PTPRG: variants seen among roughly 807,000 people sequenced by gnomAD.
PTPRG encodes the protein receptor-type tyrosine-protein phosphatase gamma.
PTPRG carries 102 observed loss-of-function variants against 165.3 expected under a neutral mutation model. That is an observed-to-expected ratio of 0.62 (90% confidence interval 0.53 to 0.73). PTPRG has a LOEUF of 0.73. Ranked by LOEUF, PTPRG falls within the 30% of genes least tolerant of loss-of-function variation. PTPRG has a pLI of 0.00. For missense variants in PTPRG, 1,866 were observed against 1,861.4 expected, an observed-to-expected ratio of 1.00 and a Z score of -0.05; for synonymous variants, 675 against 669.5, an observed-to-expected ratio of 1.01 and a Z score of -0.13.
At chr3:61,854,799 T>G (rs906601141) in intron 2 of PTPRG, among the ~76,000 whole-genome samples, 1 of 152,168 alleles carries the variant, frequency 6.6e-6, no homozygotes. Context: ...ACCTGTAATA[T>G]GAGGGTCCTA....
At chr3:62,191,151 CGTGT>C (rs930905860) in intron 8 of PTPRG, among the ~76,000 whole-genome samples, 4 of 149,774 alleles carry the variant, frequency 2.7e-5, no homozygotes, top group Non-Finnish European at 5.9e-5. Flanking sequence ...GTCCCGTGCA[CGTGT>C]GTGTGCGCAT....
At chr3:61,681,150 C>T (rs1056704394) in intron 1 of PTPRG, among the ~76,000 whole-genome samples, 1 of 151,392 alleles carries the variant, frequency 6.6e-6, no homozygotes, top group Non-Finnish European at 1.5e-5. Flanking sequence ...ATTTAAGGTC[C>T]ATCCCATCCT....
In PTPRG at chr3:62,217,627, A is replaced by G. The variant is rs757680259; in HGVS notation, c.2156-1224A>G. ...CTGGGCTCAAGTCAGCCTGCAGCCA[A>G]TGTTAGATTTTTTTAAGGGGCTTCT... is the stretch of plus-strand genomic sequence containing the variant. On this transcript the variant is annotated intron_variant, in intron 12 of 29. Coordinates refer to ENST00000474889, the MANE Select transcript of PTPRG (RefSeq NM_002841.4). The surrounding 1 kb of genome is among the most constrained non-coding windows in gnomAD (Gnocchi z 4.3). The G allele has an allele frequency of 6.6e-5, 10 of 152,200 alleles. No individual in the cohort carries two copies. Among genetic ancestry groups the G allele is most frequent in the Non-Finnish European group, 1.0e-4 (7 of 68,106 alleles). 9.4% of individuals were successfully genotyped at this position (152,200 alleles called of 1,614,324 possible).
intron 1 of PTPRG, among the ~76,000 whole-genome samples, chr3:61,722,938 A>G (rs557477243): frequency 6.6e-6 from 1 of 152,114 alleles, no homozygotes; most frequent in South Asian, 2.1e-4. Flanking sequence ...TGAGAGATAC[A>G]AGTGGAACTT....
At position 61,572,113 on chromosome 3, in the gene PTPRG, G is replaced by C. The variant is rs11709537; in HGVS notation, c.85+9741G>C. 1.6e-4 allele frequency among the ~76,000 whole-genome samples: 25 copies of C among 152,130 alleles called. No homozygotes were observed. In the East Asian group the frequency reaches 4.8e-3, roughly 29 times the overall value. On this transcript the variant is annotated intron_variant, in intron 1 of 29. Transcript: ENST00000474889. The stretch of plus-strand genomic sequence containing the variant: ...GCACTTGTTGACTTTTTCCTGTGAG[G>C]GTTTGCTTCCTAAGGCGTTGAGAAC...
At chr3:61,778,593 C>A (rs1041647205) in intron 2 of PTPRG, among the ~76,000 whole-genome samples, 3 of 152,090 alleles carry the variant, frequency 2.0e-5, no homozygotes. Context: ...TCCCTGCCCC[C>A]AGACCCTATT....
Position 61,910,710 on chromosome 3 carries a change from C to T in PTPRG, c.191-78915C>T, listed in dbSNP as rs1027898005. Among the ~76,000 whole-genome samples, 17 of 152,156 alleles carry T rather than the reference C, an allele frequency of 1.1e-4. 1 individual carries two copies. The highest frequency in any genetic ancestry group is 1.0e-3 in the Admixed American group (16 of 15,272). On this transcript the variant is annotated intron_variant, in intron 2 of 29. Transcript: ENST00000474889. Reference sequence around the variant, plus strand: ...AATTTCTTTTTGTCTTTTAACAATCCAAGGCTGTCATTTTCCCTATGCTGT... The same window carrying T: ...AATTTCTTTTTGTCTTTTAACAATCTAAGGCTGTCATTTTCCCTATGCTGT...
At chr3:62,175,749 G>A (rs1279103860) in intron 8 of PTPRG, among the ~76,000 whole-genome samples, 2 of 152,202 alleles carry the variant, frequency 1.3e-5, no homozygotes, top group Non-Finnish European at 2.9e-5. Context: ...ATCAAGTCGT[G>A]TGCTAAGAGC....
At chr3:61,597,487 G>A (rs1397799275) in intron 1 of PTPRG, among the ~76,000 whole-genome samples, 1 of 152,206 alleles carries the variant, frequency 6.6e-6, no homozygotes. Flanking sequence ...AACATTTAAT[G>A]TTGAATTTTA....
At chr3:62,163,268 G>T (rs1386301873) in intron 7 of PTPRG, among the ~76,000 whole-genome samples, 1 of 151,758 alleles carries the variant, frequency 6.6e-6, no homozygotes, top group Non-Finnish European at 1.5e-5. Context: ...GTTACTCAAT[G>T]CCTCTAAGCC....
At chr3:61,647,563 G>A (rs1702235655) in intron 1 of PTPRG, among the ~76,000 whole-genome samples, 1 of 152,076 alleles carries the variant, frequency 6.6e-6, no homozygotes, top group Non-Finnish European at 1.5e-5. Flanking sequence ...GGCCGAGGCG[G>A]GCGGATCACG....
At chr3:61,894,899 T>G (rs1442388714) in intron 2 of PTPRG, among the ~76,000 whole-genome samples, 1 of 152,166 alleles carries the variant, frequency 6.6e-6, no homozygotes, top group East Asian at 1.9e-4. Context: ...CTAGCATCCC[T>G]CTCTGTCAGG....
rs371587393 is a variant in PTPRG, at chr3:62,203,200, G to A, written c.1405G>A (p.Asp469Asn). The A allele has an allele frequency of 1.7e-5, 27 of 1,602,540 alleles. No homozygotes were observed. The highest frequency in any genetic ancestry group is 2.7e-5 in the African/African-American group (2 of 74,606). Residue 469 changes from aspartate to asparagine, a missense_variant, in exon 12 of 30, where the codon GAC (aspartate) becomes AAC (asparagine). Asp to Asn is a conservative substitution (Grantham distance 23). Around this residue, in one of 3 missense-constraint regions of PTPRG, gnomAD observed 1,452 missense variants for 1,463.0 expected, o/e 0.99. Transcript: ENST00000474889. The surrounding 1 kb of genome is among the most constrained non-coding windows in gnomAD (Gnocchi z 6.4). ...VPTASPASSA[D>N]MAPISSGSST... ...CACAGCGTCTCCTGCCTCTTCAGCC[G>A]ACATGGCCCCCATCAGCTCGGGGTC... is the stretch of plus-strand genomic sequence containing the variant.
intron 2 of PTPRG, among the ~76,000 whole-genome samples, chr3:61,923,120 GGTA>G (rs201805164): frequency 0.066 from 10,114 of 152,110 alleles, 449 homozygotes; most frequent in East Asian, 0.23. Context: ...GAGCTTAGTA[GGTA>G]CTGATTAAAA....
intron 9 of PTPRG, among the ~76,000 whole-genome samples, chr3:62,192,393 C>CTTTTTTTTTTTTTTTT (rs71123255): frequency 3.8e-5 from 2 of 52,594 alleles, no homozygotes; most frequent in Non-Finnish European, 3.6e-5. Flanking sequence ...CAACTACTGT[C>CTTTTTTTTTTTTTTTT]TTTTTTTTTT....
chr3:61,643,295 C>CA (rs1702115033), intron 1 of PTPRG, among the ~76,000 whole-genome samples: 2 of 146,824 alleles, frequency 1.4e-5, no homozygotes, highest in African/African-American at 5.0e-5. Flanking sequence ...GAGAGAGAGA[C>CA]AGAGACAGAC....
chr3:61,812,050 C>T (rs1437703980), intron 2 of PTPRG, among the ~76,000 whole-genome samples: 1 of 152,130 alleles, frequency 6.6e-6, no homozygotes, highest in Non-Finnish European at 1.5e-5. Context: ...GTGGGGAGCA[C>T]CATGAGTTAA....
rs72889574 is a variant in PTPRG at position 62,089,889 on chromosome 3, T to C, written c.615+11631T>C. The stretch of plus-strand genomic sequence containing the variant: ...GTTGATGTAAGCCAAGAATTACTTA[T>C]GCATTTTTAAGAAGGCATTTTATTA... On this transcript the variant is annotated intron_variant, in intron 5 of 29. Coordinates refer to ENST00000474889, the MANE Select transcript of PTPRG (RefSeq NM_002841.4). Among the ~76,000 whole-genome samples, 711 of 152,360 alleles carry C rather than the reference T, an allele frequency of 4.7e-3. 3 individuals carry two copies. The highest frequency in any genetic ancestry group is 0.016 in the African/African-American group (679 of 41,584).
At chr3:61,782,658 A>C (rs1347428692) in intron 2 of PTPRG, among the ~76,000 whole-genome samples, 1 of 152,238 alleles carries the variant, frequency 6.6e-6, no homozygotes, top group Non-Finnish European at 1.5e-5. Context: ...ACAAGGGCTG[A>C]AAGAGAAAAC....
Sources: gnomAD v4.1 joint callset for allele counts (sites outside exome capture counted in the v4.1 genomes callset) on GRCh38, gnomAD v4.1.1 for gene constraint, gnomAD v4.1.1 regional missense constraint, Gnocchi (gnomAD v3.1) non-coding constraint, MANE v1.5 for transcripts, NCBI Gene and HGNC (gene_info 2026-07-23, HGNC 2026-07-21) for gene names.